The following TPST2 variants were observed in gnomAD, a reference collection of about 807,000 sequenced individuals.
TPST2 encodes the protein tyrosylprotein sulfotransferase 2.
TPST2 carries 16 observed loss-of-function variants against 27.8 expected under a neutral mutation model. The ratio of observed to expected loss-of-function variants is 0.58; its 90% CI spans 0.39 to 0.88. The LOEUF (loss-of-function observed/expected upper bound fraction) is 0.88, where lower values mean the gene tolerates loss of function less well. Among genes scored for constraint, TPST2 ranks in the 40% least tolerant of loss-of-function variants. The pLI is 0.00. For missense variants in TPST2, 464 were observed against 543.1 expected (o/e 0.85, Z 1.45); for synonymous variants, 229 against 231.7 (o/e 0.99, Z 0.10).
intron 1 of TPST2, among the ~76,000 whole-genome samples, chr22:26,563,029 C>T (rs1927197778): frequency 6.6e-6 from 1 of 152,184 alleles, no homozygotes; most frequent in South Asian, 2.1e-4. Context: ...TAATCCCCAG[C>T]ACAAAGAATC....
At chr22:26,581,015 TACATACACAC>T (rs1464866222) in intron 1 of TPST2, among the ~76,000 whole-genome samples, 2 of 39,668 alleles carry the variant, frequency 5.0e-5, no homozygotes, top group Admixed American at 8.4e-4. Context: ...ACCCTCAACA[TACATACACAC>T]ACACACACAC....
intron 1 of TPST2, among the ~76,000 whole-genome samples, chr22:26,580,453 G>A (rs1928056421): frequency 6.6e-6 from 1 of 152,098 alleles, no homozygotes; most frequent in South Asian, 2.1e-4. Context: ...GTGACTACTG[G>A]CCCAGCCCCC....
In TPST2 at chr22:26,540,779, C is replaced by T. The variant is rs369503680; in HGVS notation, c.842+10G>A. 10 of 1,561,688 alleles carry T rather than the reference C, an allele frequency of 6.4e-6. No homozygotes were observed. Among genetic ancestry groups the T allele is most frequent in the Non-Finnish European group, 8.7e-6 (10 of 1,150,858 alleles). ...AGAGTCTGAGTGGAAGCATCAGGGGCTCCACTCACTTGGACAGGGAGACAC... is the reference window on the plus strand; with the variant it reads ...AGAGTCTGAGTGGAAGCATCAGGGGTTCCACTCACTTGGACAGGGAGACAC... On this transcript the variant is annotated intron_variant, in intron 3 of 6. Transcript: ENST00000338754.
Position 26,544,662 on chromosome 22 carries a change from C to CT in TPST2, c.-148dup. 1 of 986,030 alleles carries CT rather than the reference C, an allele frequency of 1.0e-6. No individual in the cohort carries two copies. Among genetic ancestry groups the CT allele is most frequent in the Non-Finnish European group, 1.2e-6 (1 of 830,046 alleles). The allele number at this position is 986,030 out of a possible 1,614,324, so 61.1% of individuals were successfully genotyped here. The stretch of plus-strand genomic sequence containing the variant: ...CCTTGTGCCTGTGTGCCAAGGCTGT[C>CT]TGCTGGCAGAGCCCTGGAGAGGCAA... On this transcript the variant is annotated 5_prime_UTR_variant, in exon 2 of 7. Coordinates refer to ENST00000338754, the MANE Select transcript of TPST2 (RefSeq NM_003595.5).
intron 2 of TPST2, among the ~76,000 whole-genome samples, chr22:26,543,454 T>TC (rs886557172): frequency 2.6e-5 from 4 of 152,100 alleles, no homozygotes; most frequent in African/African-American, 9.7e-5. Flanking sequence ...AGTGACAGCA[T>TC]CCCCACCTTG....
Position 26,552,338 on chromosome 22 carries a change from C to T in TPST2, c.-160-7663G>A, listed in dbSNP as rs191861878. ...GTCAAAATGTACAGGGCCAACTGTG[C>T]ATTTTTACTCTAATGACAACCCTGG... On this transcript the variant is annotated intron_variant, in intron 1 of 6. Transcript: ENST00000338754. Among the ~76,000 whole-genome samples the T allele has an allele frequency of 6.3e-4, 96 of 152,238 alleles. 1 individual carries two copies. The highest frequency in any genetic ancestry group is 2.1e-3 in the African/African-American group (88 of 41,532).
At chr22:26,536,122 T>C in intron 4 of TPST2, 166 bp downstream of exon 4, 2 of 1,008,204 alleles carry the variant, frequency 2.0e-6, no homozygotes, top group Non-Finnish European at 3.1e-6. Context: ...CCAAGCAAAA[T>C]GGAAATACAA....
At chr22:26,565,386 T>G (rs564479955) in intron 1 of TPST2, 3 of 152,264 alleles carry the variant, frequency 2.0e-5, no homozygotes, top group Non-Finnish European at 4.4e-5. Context: ...CAGTCAGCCT[T>G]GCGATGGGCC....
intron 3 of TPST2, among the ~76,000 whole-genome samples, chr22:26,539,862 A>G (rs1052023141): frequency 6.6e-6 from 1 of 152,252 alleles, no homozygotes; most frequent in East Asian, 1.9e-4. Flanking sequence ...GCCTGAGGCC[A>G]GTAACTTCTC....
At position 26,528,197 on chromosome 22, in the gene TPST2, G is replaced by C; in HGVS notation, c.*7+17C>G. The C allele has an allele frequency of 6.4e-7, 1 of 1,557,630 alleles. No homozygotes were observed. Among genetic ancestry groups the C allele is most frequent in the Non-Finnish European group, 8.7e-7 (1 of 1,149,460 alleles). On this transcript the variant is annotated intron_variant, in intron 6 of 6. Transcript: ENST00000338754. ...CCCAGAAGCAGCGGGAACCCCCAGT[G>C]AAGTCCACAGGCTTACCTGGAAATC...
intron 1 of TPST2, among the ~76,000 whole-genome samples, chr22:26,557,315 C>A (rs569135894): frequency 6.6e-6 from 1 of 152,300 alleles, no homozygotes; most frequent in South Asian, 2.1e-4. Flanking sequence ...CTGCATCTAC[C>A]CCAGACCCTT....
intron 1 of TPST2, among the ~76,000 whole-genome samples, chr22:26,549,549 C>A (rs1370177881): frequency 6.7e-6 from 1 of 149,058 alleles, no homozygotes; most frequent in Non-Finnish European, 1.5e-5. Context: ...CCCAGCTACT[C>A]AGGAGGCTGA....
intron 1 of TPST2, chr22:26,565,640 T>C (rs1927342821): frequency 1.3e-5 from 2 of 152,218 alleles, no homozygotes. Flanking sequence ...CTCCTTCCTG[T>C]AGTTTGTAAC....
chr22:26,529,109 T>C (rs1337366165), intron 5 of TPST2, among the ~76,000 whole-genome samples: 1 of 151,822 alleles, frequency 6.6e-6, no homozygotes, highest in Non-Finnish European at 1.5e-5. Context: ...GACCAAGGCA[T>C]GATTAGAGGG....
At chr22:26,570,003 G>T (rs867138175) in intron 1 of TPST2, among the ~76,000 whole-genome samples, 1 of 34,052 alleles carries the variant, frequency 2.9e-5, no homozygotes, top group Non-Finnish European at 5.3e-5. Flanking sequence ...AAGAAAGAAA[G>T]AAAGAAAGAA....
intron 1 of TPST2, among the ~76,000 whole-genome samples, chr22:26,585,504 G>A (rs539671063): frequency 6.6e-6 from 1 of 152,278 alleles, no homozygotes; most frequent in South Asian, 2.1e-4. Flanking sequence ...CAGATCTCTG[G>A]AGGGGCCCCA....
intron 5 of TPST2, among the ~76,000 whole-genome samples, chr22:26,531,755 C>G (rs929593588): frequency 6.6e-6 from 1 of 152,196 alleles, no homozygotes; most frequent in African/African-American, 2.4e-5. Context: ...TCCACGACTG[C>G]CCCACTTTAG....
chr22:26,544,683 G>A lies in TPST2; in HGVS notation c.-160-8C>T. On this transcript the variant is annotated splice_region_variant and splice_polypyrimidine_tract_variant and intron_variant, in intron 1 of 6. Coordinates refer to ENST00000338754, the MANE Select transcript of TPST2 (RefSeq NM_003595.5). ...CTGTCTGCTGGCAGAGCCCTGGAGA[G>A]GCAAAGGAGATATTGCATCAGGGAT... 1 of 986,038 alleles carries A rather than the reference G, an allele frequency of 1.0e-6. No homozygotes were observed. The highest frequency in any genetic ancestry group is 1.2e-6 in the Non-Finnish European group (1 of 830,062). The allele number at this position is 986,038 out of a possible 1,614,324, so 61.1% of individuals were successfully genotyped here. A position where few individuals can be genotyped will look rare whatever the true frequency, so the allele number is the denominator to read the frequency against.
chr22:26,529,291 T>A (rs1569175939), intron 5 of TPST2, among the ~76,000 whole-genome samples: 1 of 152,102 alleles, frequency 6.6e-6, no homozygotes, highest in Non-Finnish European at 1.5e-5. Context: ...CACGAATGGC[T>A]AATATTTTTT....
Sources: allele counts gnomAD v4.1 joint callset (sites outside exome capture counted in the v4.1 genomes callset), GRCh38; gene constraint gnomAD v4.1.1; transcripts MANE v1.5; gene names NCBI Gene and HGNC (gene_info 2026-07-23, HGNC 2026-07-21).